The following RUNDC3B variants were observed in gnomAD, a reference collection of about 807,000 sequenced individuals.
The protein encoded by RUNDC3B is RUN domain containing 3B.
A neutral mutation model predicts 58.4 loss-of-function variants in RUNDC3B; 33 were observed. The ratio of observed to expected loss-of-function variants is 0.56; its 90% CI spans 0.43 to 0.75. RUNDC3B has a LOEUF of 0.75. RUNDC3B is among the 30% of genes least tolerant of loss of function. The pLI, the probability that RUNDC3B is intolerant of heterozygous loss-of-function variation, is 0.00. For synonymous variants in RUNDC3B, 193 were observed against 195.2 expected, an observed-to-expected ratio of 0.99 and a Z score of 0.10; for missense variants, 501 against 535.7, an observed-to-expected ratio of 0.94 and a Z score of 0.64.
intron 4 of RUNDC3B, among the ~76,000 whole-genome samples, chr7:87,719,360 T>G (rs2130770713): frequency 6.6e-6 from 1 of 152,044 alleles, no homozygotes; most frequent in South Asian, 2.1e-4. Flanking sequence ...GTTAATAAGT[T>G]TCTTTACATA....
intron 6 of RUNDC3B, among the ~76,000 whole-genome samples, chr7:87,743,961 C>A (rs543042491): frequency 3.3e-5 from 5 of 152,150 alleles, no homozygotes; most frequent in African/African-American, 1.2e-4. Context: ...AGGTTTTAGT[C>A]CTTAATCCAT....
intron 2 of RUNDC3B, among the ~76,000 whole-genome samples, chr7:87,655,196 G>A (rs531135303): frequency 6.6e-6 from 1 of 152,184 alleles, no homozygotes; most frequent in East Asian, 1.9e-4. Flanking sequence ...GAACCTCCAT[G>A]TAAACCAGCA....
intron 6 of RUNDC3B, among the ~76,000 whole-genome samples, chr7:87,744,813 T>C (rs1033455474): frequency 5.3e-5 from 8 of 152,166 alleles, no homozygotes; most frequent in Non-Finnish European, 1.0e-4. Context: ...TCTTTATTTC[T>C]TTCTCCTGAT....
chr7:87,677,335 TAA>T (rs57714170), intron 2 of RUNDC3B, among the ~76,000 whole-genome samples: 28 of 125,170 alleles, frequency 2.2e-4, no homozygotes, highest in African/African-American at 5.8e-4. Context: ...ATTTCAGATT[TAA>T]AAAAAAAAAA....
At chr7:87,767,480 C>T (rs545486903) in intron 6 of RUNDC3B, among the ~76,000 whole-genome samples, 2 of 152,268 alleles carry the variant, frequency 1.3e-5, no homozygotes, top group East Asian at 3.9e-4. Flanking sequence ...TTTGCAGTGG[C>T]TTTCTCAAAT....
chr7:87,732,930 G>C (rs929672417), intron 4 of RUNDC3B, among the ~76,000 whole-genome samples: 3 of 152,102 alleles, frequency 2.0e-5, no homozygotes, highest in South Asian at 2.1e-4. Context: ...TTTCCATAAC[G>C]TATGATTAAC....
intron 4 of RUNDC3B, among the ~76,000 whole-genome samples, chr7:87,715,893 G>A (rs1302526229): frequency 1.3e-5 from 2 of 152,010 alleles, no homozygotes; most frequent in African/African-American, 2.4e-5. Flanking sequence ...GAGTAAGTGC[G>A]TGATATTGGA....
chr7:87,716,127 C>G (rs954335730), intron 4 of RUNDC3B, among the ~76,000 whole-genome samples: 3 of 152,006 alleles, frequency 2.0e-5, no homozygotes, highest in Non-Finnish European at 4.4e-5. Context: ...AGAGTGATTA[C>G]CACTTTGGGA....
At chr7:87,660,581 T>C (rs1585029304) in intron 2 of RUNDC3B, among the ~76,000 whole-genome samples, 1 of 152,136 alleles carries the variant, frequency 6.6e-6, no homozygotes. Context: ...TTGTCTGTTT[T>C]ATTAGTCTTT....
chr7:87,777,779 G>T lies in RUNDC3B; in HGVS notation c.799-19G>T. ...TAGAATTTTGCAGTTTCTATATCTT[G>T]ATGATACTGGATTTCCAGGGTTACC... is the stretch of plus-strand genomic sequence containing the variant. On this transcript the variant is annotated intron_variant, in intron 7 of 10. Coordinates refer to ENST00000394654, the MANE Select transcript of RUNDC3B (RefSeq NM_001134405.2). The T allele has an allele frequency of 3.7e-6, 6 of 1,611,452 alleles. No homozygotes were observed. Among genetic ancestry groups the T allele is most frequent in the Non-Finnish European group, 5.1e-6 (6 of 1,178,386 alleles).
chr7:87,663,915 T>C (rs181680769), intron 2 of RUNDC3B, among the ~76,000 whole-genome samples: 127 of 152,248 alleles, frequency 8.3e-4, no homozygotes, highest in African/African-American at 3.0e-3. Flanking sequence ...TGACTCTTTG[T>C]ATGATCCTAC....
At position 87,715,346 on chromosome 7, in the gene RUNDC3B, TAATTA is replaced by T. The variant is rs1830479981; in HGVS notation, c.458+4692_458+4696del. On this transcript the variant is annotated intron_variant, in intron 4 of 10. Transcript: ENST00000394654. Reference sequence around the variant, plus strand: ...ATAATTATATATAATTAATTTATAATAATTATATATAATTAATTTATAATAATTAT... The same window carrying T: ...ATAATTATATATAATTAATTTATAATTATATAATTAATTTATAATAATTAT... Among the ~76,000 whole-genome samples the T allele has an allele frequency of 2.5e-5, 3 of 120,328 alleles. No individual in the cohort carries two copies. In the East Asian group the frequency reaches 7.6e-4, roughly 31 times the overall value. 78.9% of individuals were successfully genotyped at this position (120,328 alleles called of 152,430 possible). A position where few individuals can be genotyped will look rare whatever the true frequency, so the allele number is the denominator to read the frequency against.
At chr7:87,783,044 G>A (rs953009518) in intron 8 of RUNDC3B, among the ~76,000 whole-genome samples, 2 of 152,212 alleles carry the variant, frequency 1.3e-5, no homozygotes, top group South Asian at 2.1e-4. Flanking sequence ...ATCTAATGCC[G>A]TTAATGGGGT....
intron 2 of RUNDC3B, among the ~76,000 whole-genome samples, chr7:87,693,190 G>C (rs997814301): frequency 6.6e-6 from 1 of 152,126 alleles, no homozygotes; most frequent in Non-Finnish European, 1.5e-5. Context: ...GAAAAATATA[G>C]CAGAAATTTC....
chr7:87,774,203 ATACTT>A (rs1834491991), intron 7 of RUNDC3B, among the ~76,000 whole-genome samples: 1 of 152,190 alleles, frequency 6.6e-6, no homozygotes, highest in African/African-American at 2.4e-5. Context: ...AGGAAATAGA[ATACTT>A]TAAAATGAAT....
rs78965691 is a variant in RUNDC3B at position 87,669,931 on chromosome 7, G to A, written c.238+18994G>A. On this transcript the variant is annotated intron_variant, in intron 2 of 10. Coordinates refer to ENST00000394654, the MANE Select transcript of RUNDC3B (RefSeq NM_001134405.2). The stretch of plus-strand genomic sequence containing the variant: ...TTTCTTTCATTTTAACCTTGGAATA[G>A]CTGATGACATGTGTTTTGGGGGTGA... Among the ~76,000 whole-genome samples the A allele has an allele frequency of 2.4e-3, 369 of 152,248 alleles. 1 individual carries two copies. The highest frequency in any genetic ancestry group is 8.3e-3 in the African/African-American group (343 of 41,554).
At chr7:87,725,457 A>G (rs1039275066) in intron 4 of RUNDC3B, among the ~76,000 whole-genome samples, 23 of 152,148 alleles carry the variant, frequency 1.5e-4, no homozygotes, top group African/African-American at 5.1e-4. Flanking sequence ...TCCATGGTGT[A>G]TGTGTGCCAC....
chr7:87,818,143 A>G (rs1177641156), intron 10 of RUNDC3B, among the ~76,000 whole-genome samples: 1 of 152,192 alleles, frequency 6.6e-6, no homozygotes, highest in African/African-American at 2.4e-5. Context: ...GAATTTATTT[A>G]TGATGATTCT....
rs1180369850 is a variant in RUNDC3B, at chr7:87,816,252, A to C, written c.1215A>C (p.Val405=). The C allele has an allele frequency of 6.2e-7, 1 of 1,610,628 alleles. No homozygotes were observed. Among genetic ancestry groups the C allele is most frequent in the Non-Finnish European group, 8.5e-7 (1 of 1,178,026 alleles). The change falls in exon 10 of 11, where the codon GTA becomes GTC. Residue 405 remains valine (V), a synonymous_variant. Transcript: ENST00000394654. ...EGDGKQDTLN[V]MSEGKEDTPS... ...ATGGAAAACAAGACACATTAAATGT[A>C]ATGAGTGAAGGTAAGAAAACAAAGA... is the stretch of plus-strand genomic sequence containing the variant.
Sources: allele counts gnomAD v4.1 joint callset (sites outside exome capture counted in the v4.1 genomes callset), GRCh38; gene constraint gnomAD v4.1.1; transcripts MANE v1.5; gene names NCBI Gene and HGNC (gene_info 2026-07-23, HGNC 2026-07-21).